The following PCNX1 variants were observed in gnomAD, a reference collection of about 807,000 sequenced individuals.
PCNX1 encodes the protein pecanex 1, also known as pecanex-like protein 1.
Under a neutral mutation model 242.2 loss-of-function variants are expected in PCNX1, and 78 were observed. That is an observed-to-expected ratio of 0.32 (90% CI 0.27 to 0.39). The LOEUF (loss-of-function observed/expected upper bound fraction) is 0.39. Among genes scored for constraint, PCNX1 ranks in the 10% least tolerant of loss-of-function variants. The pLI, the probability that PCNX1 is intolerant of heterozygous loss-of-function variation, is 1.00. For missense variants in PCNX1, 2,581 were observed against 2,856.5 expected, an observed-to-expected ratio of 0.90 and a Z score of 2.20; for synonymous variants, 1,024 against 1,032.9, an observed-to-expected ratio of 0.99 and a Z score of 0.17.
At position 71,001,524 on chromosome 14, in the gene PCNX1, C is replaced by G. The variant is rs189282026; in HGVS notation, c.2629+5599C>G. 2.6e-5 allele frequency among the ~76,000 whole-genome samples: 4 copies of G among 152,290 alleles called. No homozygotes were observed. In the East Asian group the frequency reaches 7.7e-4, roughly 29 times the overall value. On this transcript the variant is annotated intron_variant, in intron 8 of 35. Transcript: ENST00000304743. The stretch of plus-strand genomic sequence containing the variant: ...TAGGAAGACTACTAGAATATTATTT[C>G]AAATAGTTTTGGGTGCCTGAACAGC...
In PCNX1 at chr14:71,113,646, A is replaced by C. The variant is rs2062797593; in HGVS notation, c.*3711A>C. The C allele has an allele frequency of 6.6e-6, 1 of 152,442 alleles. No individual in the cohort carries two copies. 9.4% of individuals were successfully genotyped at this position (152,442 alleles called of 1,614,324 possible). ...AAGCTGAAGATTCACCCAGTGTCTA[A>C]AGTTGTCCTTTTCTTATAGCTAGCT... On this transcript the variant is annotated 3_prime_UTR_variant, in exon 36 of 36. Transcript: ENST00000304743.
intron 28 of PCNX1, among the ~76,000 whole-genome samples, chr14:71,079,396 T>C (rs1418574166): frequency 1.3e-5 from 2 of 152,208 alleles, no homozygotes; most frequent in South Asian, 2.1e-4. Flanking sequence ...CATTTCTGGT[T>C]CTAGATCCTT....
chr14:71,060,442 C>CA (rs1422801690), intron 26 of PCNX1, among the ~76,000 whole-genome samples: 1 of 152,182 alleles, frequency 6.6e-6, no homozygotes, highest in African/African-American at 2.4e-5. Flanking sequence ...TCATACATCT[C>CA]ACATTTACTG....
At chr14:71,097,004 C>A (rs956724167) in intron 30 of PCNX1, among the ~76,000 whole-genome samples, 3 of 152,256 alleles carry the variant, frequency 2.0e-5, no homozygotes, top group South Asian at 2.1e-4. Context: ...TCCTCCCCAC[C>A]CCGCACCGGC....
At chr14:70,972,149 G>C (rs944507390) in intron 5 of PCNX1, among the ~76,000 whole-genome samples, 2 of 152,208 alleles carry the variant, frequency 1.3e-5, no homozygotes, top group Non-Finnish European at 1.5e-5. Context: ...GATATACTAT[G>C]TGAGAGAAGT....
intron 22 of PCNX1, among the ~76,000 whole-genome samples, chr14:71,048,206 A>T (rs1299210230): frequency 6.6e-6 from 1 of 152,192 alleles, no homozygotes; most frequent in Non-Finnish European, 1.5e-5. Flanking sequence ...AAAGTTACAT[A>T]AAACAATTAG....
intron 26 of PCNX1, among the ~76,000 whole-genome samples, chr14:71,061,543 A>G (rs2061326383): frequency 6.6e-6 from 1 of 152,180 alleles, no homozygotes; most frequent in Non-Finnish European, 1.5e-5. Flanking sequence ...TTTCAGACCT[A>G]CCACCTGAGA....
chr14:71,025,977 A>C (rs745644800), intron 13 of PCNX1, 140 bp from the exon 14 acceptor site: 3 of 481,636 alleles, frequency 6.2e-6, no homozygotes, highest in Non-Finnish European at 1.1e-5. Flanking sequence ...TATATTTGTT[A>C]ATCCTTTCTG....
chr14:71,034,179 AT>A (rs1239566010), intron 18 of PCNX1, 143 bp downstream of exon 18: 3 of 557,090 alleles, frequency 5.4e-6, no homozygotes, highest in Non-Finnish European at 6.4e-6. Context: ...TACATTGTTG[AT>A]TGTCTTTATT....
intron 1 of PCNX1, among the ~76,000 whole-genome samples, chr14:70,918,569 G>C (rs1474633649): frequency 6.6e-6 from 1 of 152,212 alleles, no homozygotes; most frequent in Non-Finnish European, 1.5e-5. Flanking sequence ...GACAAAGTGA[G>C]CACATGCTGT....
Position 70,962,295 on chromosome 14 carries a change from C to T in PCNX1, c.432C>T (p.Ser144=), listed in dbSNP as rs1247651184. The T allele has an allele frequency of 6.2e-7, 1 of 1,613,434 alleles. No individual in the cohort carries two copies. The highest frequency in any genetic ancestry group is 8.5e-7 in the Non-Finnish European group (1 of 1,179,430). ...REATPPVGCS[S]RNSYAGLDPS... is the part of the protein sequence containing the mutation. ...CCACACCCCCAGTTGGTTGCAGTTCCAGAAATTCTTATGCCGGTCTAGATC... is the reference window on the plus strand; with the variant it reads ...CCACACCCCCAGTTGGTTGCAGTTCTAGAAATTCTTATGCCGGTCTAGATC... Residue 144 remains serine (S), a synonymous_variant, in exon 3 of 36, where the codon TCC becomes TCT. Transcript: ENST00000304743.
rs769316468 is a variant in PCNX1 at position 71,103,383 on chromosome 14, T to A, written c.5821-12T>A. 1 of 1,613,058 alleles carries A rather than the reference T, an allele frequency of 6.2e-7. No homozygotes were observed. Among genetic ancestry groups the A allele is most frequent in the African/African-American group, 1.3e-5 (1 of 74,902 alleles). ...GCCCCTTAACCTAATTCCCTTGTGT[T>A]CTGGTTTTCAGGTGAATAAGGAATG... On this transcript the variant is annotated splice_polypyrimidine_tract_variant and intron_variant, in intron 31 of 35. Transcript: ENST00000304743.
At chr14:71,008,923 T>C (rs1206600759) in intron 8 of PCNX1, among the ~76,000 whole-genome samples, 2 of 152,124 alleles carry the variant, frequency 1.3e-5, no homozygotes, top group African/African-American at 4.8e-5. Flanking sequence ...TTATTAGAAA[T>C]CATTTTATAT....
intron 2 of PCNX1, among the ~76,000 whole-genome samples, chr14:70,949,210 CATGTATATATAGAT>C (rs2057633056): frequency 3.8e-5 from 5 of 132,582 alleles, no homozygotes; most frequent in Admixed American, 1.5e-4. Context: ...TGTATATACA[CATGTATATATAGAT>C]ATATGTATGT....
At chr14:71,053,942 T>C (rs964970552) in intron 24 of PCNX1, among the ~76,000 whole-genome samples, 1 of 152,110 alleles carries the variant, frequency 6.6e-6, no homozygotes, top group Non-Finnish European at 1.5e-5. Flanking sequence ...GTATATTGTT[T>C]TGATTGAAGT....
rs2061519974 is a variant in PCNX1, at chr14:71,068,761, A to T, written c.4853-4784A>T. Among the ~76,000 whole-genome samples, 2 of 129,294 alleles carry T rather than the reference A, an allele frequency of 1.5e-5. 1 individual carries two copies. The highest frequency in any genetic ancestry group is 3.1e-5 in the Non-Finnish European group (2 of 63,880). The allele number at this position is 129,294 out of a possible 152,430, so 84.8% of individuals were successfully genotyped here. A position where few individuals can be genotyped will look rare whatever the true frequency, so the allele number is the denominator to read the frequency against. ...CATTTATATATTTTATATACATTAT[A>T]TATTATGTATACTTCTACACATACA... is the stretch of plus-strand genomic sequence containing the variant. On this transcript the variant is annotated intron_variant, in intron 26 of 35. Coordinates refer to ENST00000304743, the MANE Select transcript of PCNX1 (RefSeq NM_014982.3).
intron 13 of PCNX1, 67 bp from the exon 14 acceptor site, chr14:71,026,050 T>G (rs2140862945): frequency 1.0e-6 from 1 of 970,428 alleles, no homozygotes; most frequent in South Asian, 2.1e-5. Flanking sequence ...AAGCCATCAG[T>G]GATACCAGTA....
intron 16 of PCNX1, 116 bp downstream of exon 16, chr14:71,028,907 TGGTC>T: frequency 1.7e-6 from 1 of 572,572 alleles, no homozygotes; most frequent in African/African-American, 2.0e-5. Flanking sequence ...TTAATTTTCA[TGGTC>T]TTCATATGTT....
At chr14:71,077,964 C>T (rs1436303140) in intron 28 of PCNX1, among the ~76,000 whole-genome samples, 2 of 152,100 alleles carry the variant, frequency 1.3e-5, no homozygotes, top group Non-Finnish European at 2.9e-5. Context: ...GAACAGGGTT[C>T]CATCCTACCT....
Sources: allele counts gnomAD v4.1 joint callset (sites outside exome capture counted in the v4.1 genomes callset), GRCh38; gene constraint gnomAD v4.1.1; transcripts MANE v1.5; gene names NCBI Gene and HGNC (gene_info 2026-07-23, HGNC 2026-07-21).